Variants in UNC13C observed in about 807,000 individuals in gnomAD.
UNC13C encodes the protein unc-13 homolog C.
UNC13C carries 174 observed loss-of-function variants against 245.4 expected under a neutral mutation model. That is an observed-to-expected ratio of 0.71 (90% CI 0.63 to 0.80). The LOEUF (loss-of-function observed/expected upper bound fraction) is 0.80. Among genes scored for constraint, UNC13C ranks in the 30% least tolerant of loss-of-function variants. The pLI, the probability that UNC13C is intolerant of heterozygous loss-of-function variation, is 0.00. For missense variants in UNC13C, 2,829 were observed against 2,602.9 expected, an observed-to-expected ratio of 1.09 and a Z score of -1.89; for synonymous variants, 992 against 895.1, an observed-to-expected ratio of 1.11 and a Z score of -1.93.
chr15:53,846,929 G>A, the UNC13C span, among the ~76,000 whole-genome samples: 1 of 152,088 alleles, frequency 6.6e-6, no homozygotes, highest in Admixed American at 6.6e-5. Context: ...CCATAATCTG[G>A]CTTTGGAGGA....
intron 19 of UNC13C, among the ~76,000 whole-genome samples, chr15:54,475,821 C>T (rs1892709261): frequency 9.1e-6 from 1 of 109,938 alleles, no homozygotes; most frequent in African/African-American, 3.3e-5. Context: ...GGGTATATAC[C>T]CAGTAATGGG....
In UNC13C at chr15:54,014,292, C is replaced by T. The variant is rs140849250; in HGVS notation, c.1389C>T (p.Asn463=). 113 of 1,613,886 alleles carry T rather than the reference C, an allele frequency of 7.0e-5. No homozygotes were observed. The African/African-American group carries it at 1.3e-3, about 18-fold the overall frequency. The change falls in exon 2 of 33, where the codon AAC becomes AAT. Residue 463 remains asparagine (N), a synonymous_variant. Coordinates refer to ENST00000260323, the MANE Select transcript of UNC13C (RefSeq NM_001080534.3). ...DEDLESDLNR[N]SYAVLSKSEL... is the part of the protein sequence containing the mutation. ...ATCTTGAATCTGACCTCAATAGAAA[C>T]AGTTACGCTGTGCTTTCCAAGTCAG...
At chr15:54,337,859 A>G (rs983879199) in intron 16 of UNC13C, among the ~76,000 whole-genome samples, 1 of 151,866 alleles carries the variant, frequency 6.6e-6, no homozygotes, top group Non-Finnish European at 1.5e-5. Flanking sequence ...CCTTGTTCTC[A>G]CCCTACAGCT....
intron 19 of UNC13C, among the ~76,000 whole-genome samples, chr15:54,416,019 G>A (rs1020533491): frequency 4.6e-5 from 7 of 152,262 alleles, no homozygotes; most frequent in African/African-American, 1.4e-4. Flanking sequence ...AAAGCACAAG[G>A]TGCATTTGAG....
chr15:54,504,456 C>T (rs536605302), intron 22 of UNC13C, among the ~76,000 whole-genome samples: 14 of 152,146 alleles, frequency 9.2e-5, no homozygotes, highest in African/African-American at 2.2e-4. Flanking sequence ...AGACTAAAAA[C>T]GTTTAAATAA....
chr15:54,159,669 T>A (rs1183156472), intron 4 of UNC13C, among the ~76,000 whole-genome samples: 3 of 152,178 alleles, frequency 2.0e-5, no homozygotes, highest in Non-Finnish European at 4.4e-5. Context: ...TGGGTCAAGT[T>A]TGGTAGATGT....
At chr15:54,029,595 A>G (rs12898232) in intron 2 of UNC13C, among the ~76,000 whole-genome samples, 12,836 of 152,308 alleles carry the variant, frequency 0.084, 686 homozygotes, top group Admixed American at 0.13. Flanking sequence ...TGGATAATTA[A>G]TGACATTACA....
chr15:54,401,931 T>C (rs1007090259), intron 18 of UNC13C, among the ~76,000 whole-genome samples: 1 of 152,110 alleles, frequency 6.6e-6, no homozygotes, highest in African/African-American at 2.4e-5. Context: ...CTTACAAAAA[T>C]TACTTTTTAA....
At chr15:54,541,346 G>C (rs1334802057) in intron 26 of UNC13C, among the ~76,000 whole-genome samples, 4 of 151,988 alleles carry the variant, frequency 2.6e-5, no homozygotes, top group Non-Finnish European at 5.9e-5. Context: ...TAGAGCCCAG[G>C]TTATAATTTC....
chr15:53,920,987 G>A, the UNC13C span, among the ~76,000 whole-genome samples: 6 of 151,946 alleles, frequency 3.9e-5, no homozygotes, highest in Non-Finnish European at 5.9e-5. Context: ...GCTAGAGGGA[G>A]TAATATTTGA....
the UNC13C span, among the ~76,000 whole-genome samples, chr15:53,880,093 T>C: frequency 6.6e-6 from 1 of 152,110 alleles, no homozygotes; most frequent in African/African-American, 2.4e-5. Context: ...GCCACTATCA[T>C]GTCCATTTTT....
At chr15:54,070,070 A>G (rs1482337023) in intron 2 of UNC13C, among the ~76,000 whole-genome samples, 3 of 152,216 alleles carry the variant, frequency 2.0e-5, no homozygotes, top group Non-Finnish European at 1.5e-5. Context: ...TGGTATTCTG[A>G]TTTAGGTCTG....
intron 10 of UNC13C, among the ~76,000 whole-genome samples, chr15:54,277,795 G>C (rs937438866): frequency 2.6e-5 from 4 of 152,162 alleles, no homozygotes; most frequent in African/African-American, 9.7e-5. Flanking sequence ...CACAAGGATT[G>C]AGATGAAACC....
chr15:54,106,614 C>T (rs1013496909), intron 2 of UNC13C, among the ~76,000 whole-genome samples: 4 of 152,064 alleles, frequency 2.6e-5, no homozygotes, highest in African/African-American at 9.7e-5. Context: ...GAAGTTAATC[C>T]TTCATTTTCT....
the UNC13C span, among the ~76,000 whole-genome samples, chr15:53,926,827 G>A: frequency 0.22 from 33,671 of 152,136 alleles, 4,713 homozygotes; most frequent in Non-Finnish European, 0.31. Flanking sequence ...AAGGGCATGG[G>A]GGAATGGAAC....
intron 2 of UNC13C, among the ~76,000 whole-genome samples, chr15:54,088,547 G>T (rs188285337): frequency 7.9e-4 from 121 of 152,252 alleles, no homozygotes; most frequent in African/African-American, 2.8e-3. Context: ...TGTTATTGTT[G>T]TTGGTACTTT....
At chr15:54,221,402 G>T (rs1234256671) in intron 4 of UNC13C, among the ~76,000 whole-genome samples, 1 of 151,628 alleles carries the variant, frequency 6.6e-6, no homozygotes, top group Admixed American at 6.6e-5. Context: ...AGAGAAGGGA[G>T]GATAACACAC....
chr15:53,875,922 G>A, the UNC13C span, among the ~76,000 whole-genome samples: 5 of 152,070 alleles, frequency 3.3e-5, no homozygotes, highest in African/African-American at 4.8e-5. Flanking sequence ...TACTTCCTTG[G>A]AACAAAAGGT....
intron 7 of UNC13C, among the ~76,000 whole-genome samples, chr15:54,238,934 T>C (rs1289272877): frequency 6.6e-6 from 1 of 152,212 alleles, no homozygotes; most frequent in Non-Finnish European, 1.5e-5. Flanking sequence ...TCTGATTTAA[T>C]TGGCTTCAGG....
Sources: gnomAD v4.1 joint callset for allele counts (sites outside exome capture counted in the v4.1 genomes callset) on GRCh38, gnomAD v4.1.1 for gene constraint, MANE v1.5 for transcripts, NCBI Gene and HGNC (gene_info 2026-07-23, HGNC 2026-07-21) for gene names.